The following TMEM255B variants were observed in gnomAD, a reference collection of about 807,000 sequenced individuals.
TMEM255B encodes the protein transmembrane protein 255B.
In TMEM255B, 35 loss-of-function variants were observed where a neutral mutation model predicts 34.5. That is an observed-to-expected ratio of 1.01 (90% CI 0.77 to 1.34). The LOEUF is 1.34. Ranked by LOEUF, TMEM255B falls within the 40% of genes most tolerant of loss-of-function variation. The pLI, the probability that TMEM255B is intolerant of heterozygous loss-of-function variation, is 0.00. For missense variants in TMEM255B, 432 were observed against 433.2 expected, an observed-to-expected ratio of 1.00 and a Z score of 0.02; for synonymous variants, 206 against 201.2, an observed-to-expected ratio of 1.02 and a Z score of -0.20.
rs1485007482 is a variant in TMEM255B at position 113,816,101 on chromosome 13, G to T, written c.*4198G>T. The T allele has an allele frequency of 1.1e-5, 2 of 175,066 alleles. No individual in the cohort carries two copies. The highest frequency in any genetic ancestry group is 2.5e-5 in the Non-Finnish European group (2 of 79,152). 10.8% of individuals were successfully genotyped at this position (175,066 alleles called of 1,614,324 possible). A position where few individuals can be genotyped will look rare whatever the true frequency, so the allele number is the denominator to read the frequency against. ...TGCTCAGGGACACGGGTTCTTTTCG[G>T]GGAGGCAAGCGTGTTTGCAGCGTGT... is the stretch of plus-strand genomic sequence containing the variant. On this transcript the variant is annotated 3_prime_UTR_variant, in exon 9 of 9. Coordinates refer to ENST00000375353, the MANE Select transcript of TMEM255B (RefSeq NM_182614.4).
At chr13:113,759,622 C>G (rs186222497) in intron 1 of TMEM255B, among the ~76,000 whole-genome samples, 6 of 152,284 alleles carry the variant, frequency 3.9e-5, no homozygotes, top group African/African-American at 1.4e-4. Context: ...ACTCTGTGTC[C>G]GTTCCTCTTG....
chr13:113,803,740 C>T (rs1157501874), intron 7 of TMEM255B, among the ~76,000 whole-genome samples: 1 of 152,210 alleles, frequency 6.6e-6, no homozygotes, highest in Non-Finnish European at 1.5e-5. Context: ...GGCAGAAGCA[C>T]GGCCTCCTGC....
rs1038715244 is a variant in TMEM255B, at chr13:113,794,403, T to G, written c.253-745T>G. On this transcript the variant is annotated intron_variant, in intron 3 of 8. Coordinates refer to ENST00000375353, the MANE Select transcript of TMEM255B (RefSeq NM_182614.4). ...GTTACCGATGGGTTCTGCTTGTCACTGGGACCTCTTTCCCGAGCCGACAAC... is the reference window on the plus strand; with the variant it reads ...GTTACCGATGGGTTCTGCTTGTCACGGGGACCTCTTTCCCGAGCCGACAAC... 5.9e-5 allele frequency among the ~76,000 whole-genome samples: 9 copies of G among 151,916 alleles called. No individual in the cohort carries two copies. In the South Asian group the frequency reaches 1.9e-3, roughly 32 times the overall value.
intron 4 of TMEM255B, among the ~76,000 whole-genome samples, chr13:113,796,043 CAGCACACAACACACAG>C (rs1234214177): frequency 1.3e-4 from 19 of 144,810 alleles, no homozygotes; most frequent in African/African-American, 4.9e-4. Flanking sequence ...ACAGAGCACA[CAGCACACAACACACAG>C]AGCACACAGC....
At chr13:113,786,386 A>G (rs1354753482) in intron 3 of TMEM255B, among the ~76,000 whole-genome samples, 2 of 151,914 alleles carry the variant, frequency 1.3e-5, no homozygotes, top group Non-Finnish European at 2.9e-5. Flanking sequence ...CATCACCGTC[A>G]CCATCGTCAC....
intron 3 of TMEM255B, among the ~76,000 whole-genome samples, chr13:113,794,146 T>C (rs1475524838): frequency 6.6e-6 from 1 of 152,112 alleles, no homozygotes; most frequent in Non-Finnish European, 1.5e-5. Context: ...TCACGGTCGA[T>C]GGAACTCCTC....
chr13:113,769,126 T>C lies in TMEM255B; in HGVS notation c.218T>C (p.Ile73Thr). 2 of 1,614,224 alleles carry C rather than the reference T, an allele frequency of 1.2e-6. No homozygotes were observed. Among genetic ancestry groups the C allele is most frequent in the Non-Finnish European group, 1.7e-6 (2 of 1,180,032 alleles). The part of the protein sequence containing the change: ...ILGFGSFLGI[I>T]GINLVENRRQ... ...GGCTTTGGATCTTTCTTAGGAATTA[T>C]TGGCATCAACTTGGTGGAGAATAGA... The change falls in exon 3 of 9, where the codon ATT becomes ACT. Residue 73 changes from isoleucine (I) to threonine (T), a missense_variant. Transcript: ENST00000375353. This position sits in a 1 kb window ranked among gnomAD's most constrained non-coding sequence, Gnocchi z 4.2.
chr13:113,808,460 A>G (rs1368358063), intron 8 of TMEM255B, among the ~76,000 whole-genome samples: 1 of 152,104 alleles, frequency 6.6e-6, no homozygotes, highest in Non-Finnish European at 1.5e-5. Context: ...CCGTGGTCCC[A>G]GGGTTTACTC....
Position 113,813,922 on chromosome 13 carries a change from G to A in TMEM255B, c.*2019G>A, listed in dbSNP as rs542155153. ...TGGAAATCACCGCCCAGTTCCTCCA[G>A]GGCTGTGGGTGCCTGGCTCCGAGTA... On this transcript the variant is annotated 3_prime_UTR_variant, in exon 9 of 9. Transcript: ENST00000375353. The A allele has an allele frequency of 2.6e-5, 4 of 152,336 alleles. No homozygotes were observed. Among genetic ancestry groups the A allele is most frequent in the African/African-American group, 9.6e-5 (4 of 41,574 alleles). The allele number at this position is 152,336 out of a possible 1,614,324, so 9.4% of individuals were successfully genotyped here.
chr13:113,797,171 C>G (rs1001277791), intron 4 of TMEM255B, among the ~76,000 whole-genome samples: 1 of 151,732 alleles, frequency 6.6e-6, no homozygotes, highest in South Asian at 2.1e-4. Flanking sequence ...GAGGGCCACG[C>G]GGGGCATGCA....
chr13:113,785,999 G>C (rs903617177), intron 3 of TMEM255B, among the ~76,000 whole-genome samples: 1 of 152,196 alleles, frequency 6.6e-6, no homozygotes, highest in African/African-American at 2.4e-5. Context: ...CCAAAGCAAA[G>C]CACACGAACA....
At chr13:113,760,355 C>T (rs1392149930) in intron 1 of TMEM255B, among the ~76,000 whole-genome samples, 1 of 151,970 alleles carries the variant, frequency 6.6e-6, no homozygotes, top group Admixed American at 6.6e-5. Flanking sequence ...ATAATGATAA[C>T]TATTATTATT....
intron 3 of TMEM255B, among the ~76,000 whole-genome samples, chr13:113,771,427 A>G (rs955575993): frequency 6.6e-6 from 1 of 152,178 alleles, no homozygotes; most frequent in Non-Finnish European, 1.5e-5. Context: ...CATGCCTGTA[A>G]TCCTAGCACT....
intron 8 of TMEM255B, 108 bp from the exon 9 acceptor site, chr13:113,811,628 G>A (rs149277552): frequency 0.031 from 40,876 of 1,317,020 alleles, 1,526 homozygotes; most frequent in Admixed American, 0.14. Flanking sequence ...CTGGGTTGGC[G>A]GGGTGGGTGG....
chr13:113,788,030 G>A (rs547920656), intron 3 of TMEM255B, among the ~76,000 whole-genome samples: 2 of 109,516 alleles, frequency 1.8e-5, no homozygotes, highest in South Asian at 7.3e-4. Flanking sequence ...CCATGCCGCA[G>A]AGGGGAAGGC....
At chr13:113,793,732 G>A (rs2050871668) in intron 3 of TMEM255B, among the ~76,000 whole-genome samples, 1 of 152,240 alleles carries the variant, frequency 6.6e-6, no homozygotes, top group Admixed American at 6.5e-5. Flanking sequence ...CAGTGAGGGT[G>A]CCCACTGTTT....
chr13:113,813,412 A>C lies in TMEM255B; in HGVS notation c.*1509A>C, dbSNP rs1037208879. 6.6e-6 allele frequency: 1 copy of C among 152,266 alleles called. No homozygotes were observed. Among genetic ancestry groups the C allele is most frequent in the Non-Finnish European group, 1.5e-5 (1 of 68,052 alleles). 9.4% of individuals were successfully genotyped at this position (152,266 alleles called of 1,614,324 possible). On this transcript the variant is annotated 3_prime_UTR_variant, in exon 9 of 9. Transcript: ENST00000375353. ...TGAGGTCTCCAGCTTACTTCACGGA[A>C]CAGTGCCCACCTGGGAGGTGGAGCG...
chr13:113,781,659 G>A (rs2050667938), intron 3 of TMEM255B, among the ~76,000 whole-genome samples: 1 of 152,166 alleles, frequency 6.6e-6, no homozygotes, highest in South Asian at 2.1e-4. Flanking sequence ...GTGTGTCCCA[G>A]GCCTTACCTA....
At chr13:113,777,911 A>G (rs975752626) in intron 3 of TMEM255B, among the ~76,000 whole-genome samples, 18 of 151,910 alleles carry the variant, frequency 1.2e-4, no homozygotes, top group African/African-American at 4.4e-4. Flanking sequence ...ACAATAACCA[A>G]TCCAGGTGGT....
Sources: allele counts gnomAD v4.1 joint callset (sites outside exome capture counted in the v4.1 genomes callset), GRCh38; gene constraint gnomAD v4.1.1; non-coding constraint Gnocchi (gnomAD v3.1); transcripts MANE v1.5; gene names NCBI Gene and HGNC (gene_info 2026-07-23, HGNC 2026-07-21).